The following WWOX variants were observed in gnomAD, a reference collection of about 807,000 sequenced individuals.
WWOX encodes WW domain containing oxidoreductase, also known as WW domain-containing oxidoreductase.
A neutral mutation model predicts 46.2 loss-of-function variants in WWOX; 69 were observed. The observed-to-expected ratio is 1.49, with a 90% CI of 1.23 to 1.82. The LOEUF (loss-of-function observed/expected upper bound fraction) is 1.82. Among genes scored for constraint, WWOX ranks in the 40% most tolerant of loss-of-function variants. The pLI is 0.00. For synonymous variants in WWOX, 359 were observed against 202.6 expected (o/e 1.77, Z -6.56); for missense variants, 919 against 542.6 (o/e 1.69, Z -6.89).
At chr16:78,710,325 C>T (rs890188791) in intron 8 of WWOX, among the ~76,000 whole-genome samples, 5 of 151,306 alleles carry the variant, frequency 3.3e-5, no homozygotes, top group South Asian at 4.2e-4. Flanking sequence ...TCAAGAAATG[C>T]GGCAGCTGCT....
chr16:78,633,142 A>G (rs2151662526), intron 8 of WWOX, among the ~76,000 whole-genome samples: 1 of 152,002 alleles, frequency 6.6e-6, no homozygotes, highest in African/African-American at 2.4e-5. Flanking sequence ...TGTGCCTGTA[A>G]TCCCAGTTAC....
At chr16:78,657,904 A>G (rs2047117859) in intron 8 of WWOX, among the ~76,000 whole-genome samples, 1 of 152,118 alleles carries the variant, frequency 6.6e-6, no homozygotes, top group Non-Finnish European at 1.5e-5. Flanking sequence ...TGTTCTCATT[A>G]GAAAGTATAG....
At chr16:78,927,968 C>T (rs193164946) in intron 8 of WWOX, among the ~76,000 whole-genome samples, 14 of 151,844 alleles carry the variant, frequency 9.2e-5, no homozygotes, top group African/African-American at 1.7e-4. Flanking sequence ...TAAACAATCT[C>T]AGGGTTTTTG....
intron 5 of WWOX, among the ~76,000 whole-genome samples, chr16:78,290,726 T>C (rs1361455552): frequency 6.6e-6 from 1 of 151,030 alleles, no homozygotes; most frequent in Non-Finnish European, 1.5e-5. Context: ...ATGACTTCTG[T>C]AATATGGGAA....
At chr16:78,867,841 C>T (rs1166549671) in intron 8 of WWOX, among the ~76,000 whole-genome samples, 1 of 152,148 alleles carries the variant, frequency 6.6e-6, no homozygotes, top group Non-Finnish European at 1.5e-5. Context: ...AGCCCCAGAC[C>T]ATGACATGCC....
chr16:79,199,625 T>C (rs1432038821), intron 8 of WWOX, among the ~76,000 whole-genome samples: 1 of 152,174 alleles, frequency 6.6e-6, no homozygotes, highest in Non-Finnish European at 1.5e-5. Flanking sequence ...ATTCTCCACC[T>C]TGCCACCTAG....
intron 2 of WWOX, 67 bp from the exon 3 acceptor site, chr16:78,109,711 C>A: frequency 6.3e-7 from 1 of 1,583,032 alleles, no homozygotes; most frequent in South Asian, 1.1e-5. Context: ...GGCTCCTTCC[C>A]TTCCTGACCC....
At chr16:78,470,642 G>C (rs760640814) in intron 8 of WWOX, among the ~76,000 whole-genome samples, 3 of 152,156 alleles carry the variant, frequency 2.0e-5, no homozygotes, top group Non-Finnish European at 2.9e-5. Context: ...CCATTCTCCT[G>C]CCTCAGCCTC....
intron 8 of WWOX, among the ~76,000 whole-genome samples, chr16:78,617,147 C>G (rs779269530): frequency 6.6e-6 from 1 of 152,124 alleles, no homozygotes; most frequent in African/African-American, 2.4e-5. Context: ...TGTGGTGGCT[C>G]ACGCCTGTAA....
intron 8 of WWOX, among the ~76,000 whole-genome samples, chr16:78,800,749 T>C (rs2050864834): frequency 6.6e-6 from 1 of 152,182 alleles, no homozygotes; most frequent in Non-Finnish European, 1.5e-5. Context: ...AAATGCATTC[T>C]TAGCTAAGGT....
intron 8 of WWOX, among the ~76,000 whole-genome samples, chr16:79,046,524 T>G (rs1249551545): frequency 6.6e-6 from 1 of 152,188 alleles, no homozygotes; most frequent in African/African-American, 2.4e-5. Context: ...GATTCATAGA[T>G]GTCTGCCCTT....
intron 8 of WWOX, among the ~76,000 whole-genome samples, chr16:78,603,727 TATGTC>T (rs907602385): frequency 6.6e-6 from 1 of 151,990 alleles, no homozygotes; most frequent in Non-Finnish European, 1.5e-5. Flanking sequence ...AAATAAAAAA[TATGTC>T]CTGTAATGAA....
At chr16:78,295,074 G>A (rs762453816) in intron 5 of WWOX, among the ~76,000 whole-genome samples, 4 of 152,258 alleles carry the variant, frequency 2.6e-5, no homozygotes, top group Admixed American at 6.5e-5. Context: ...TTGTGGGGCC[G>A]CTGTAGGAGG....
chr16:79,000,843 C>G (rs868038345), intron 8 of WWOX, among the ~76,000 whole-genome samples: 3 of 152,184 alleles, frequency 2.0e-5, no homozygotes, highest in Non-Finnish European at 4.4e-5. Flanking sequence ...TCTCAGAGGA[C>G]CCTGGACCTC....
intron 5 of WWOX, among the ~76,000 whole-genome samples, chr16:78,279,864 C>T (rs370052346): frequency 4.6e-5 from 7 of 152,320 alleles, no homozygotes; most frequent in Non-Finnish European, 7.3e-5. Flanking sequence ...ATTTTCCTGA[C>T]GATTGGTCCT....
chr16:78,541,832 G>A (rs929724560), intron 8 of WWOX, among the ~76,000 whole-genome samples: 2 of 151,932 alleles, frequency 1.3e-5, no homozygotes, highest in African/African-American at 4.8e-5. Context: ...GCTTTTTACT[G>A]TTTCTGGTTT....
intron 8 of WWOX, among the ~76,000 whole-genome samples, chr16:78,507,997 C>CGTGT (rs959701013): frequency 1.2e-3 from 36 of 31,016 alleles, no homozygotes; most frequent in East Asian, 2.0e-3. Context: ...TGGTTGCGTG[C>CGTGT]GTGTGTGTGT....
chr16:78,388,529 C>A (rs1388013299), intron 6 of WWOX, among the ~76,000 whole-genome samples: 2 of 151,826 alleles, frequency 1.3e-5, no homozygotes, highest in African/African-American at 4.8e-5. Context: ...CACCTCTAGT[C>A]CTAGCTACTT....
chr16:78,434,666 G>T (rs752525034), intron 8 of WWOX, among the ~76,000 whole-genome samples: 7 of 152,190 alleles, frequency 4.6e-5, no homozygotes, highest in African/African-American at 1.4e-4. Context: ...GCTCGGTTCA[G>T]TGGCATCAGA....
Sources: allele counts gnomAD v4.1 joint callset (sites outside exome capture counted in the v4.1 genomes callset), GRCh38; gene constraint gnomAD v4.1.1; transcripts MANE v1.5; gene names NCBI Gene and HGNC (gene_info 2026-07-23, HGNC 2026-07-21).